The following CUX1 variants were observed in gnomAD, a reference collection of about 807,000 sequenced individuals.
The protein encoded by CUX1 is cut like homeobox 1.
CUX1 carries 31 observed loss-of-function variants against 158.8 expected under a neutral mutation model. That is an observed-to-expected ratio of 0.20 (90% CI 0.15 to 0.26). The LOEUF is 0.26. Among genes scored for constraint, CUX1 ranks in the 10% least tolerant of loss-of-function variants. The probability of loss-of-function intolerance (pLI) is 1.00; values close to 1 mark genes in which losing one functional copy is unlikely to be tolerated. For missense variants in CUX1, 1,589 were observed against 2,014.6 expected (o/e 0.79, Z 4.04); for synonymous variants, 879 against 862.1 (o/e 1.02, Z -0.34).
chr7:101,941,058 T>G (rs980858966), intron 2 of CUX1, among the ~76,000 whole-genome samples: 2 of 152,222 alleles, frequency 1.3e-5, no homozygotes, highest in African/African-American at 4.8e-5. Context: ...GGAGCCGGGC[T>G]TCCTTGAGGC....
rs1792030753 is a variant in CUX1 at position 101,817,732 on chromosome 7, G to T, written c.30+63G>T. Reference sequence around the variant, plus strand: ...GCGCGGAGGGAACCGGGGATGTCGGGGGGTGCCCGGGTCCCGCGGCTTAGA... The same window carrying T: ...GCGCGGAGGGAACCGGGGATGTCGGTGGGTGCCCGGGTCCCGCGGCTTAGA... On this transcript the variant is annotated intron_variant, in intron 1 of 23. Coordinates refer to ENST00000292535, the MANE Select transcript of CUX1 (RefSeq NM_181552.4). This position sits in a 1 kb window ranked among gnomAD's most constrained non-coding sequence, Gnocchi z 4.1. 3 of 1,536,790 alleles carry T rather than the reference G, an allele frequency of 2.0e-6. No homozygotes were observed. Among genetic ancestry groups the T allele is most frequent in the Non-Finnish European group, 1.8e-6 (2 of 1,140,322 alleles).
intron 3 of CUX1, among the ~76,000 whole-genome samples, chr7:102,047,591 G>GGGAT (rs955946371): frequency 1.5e-3 from 224 of 150,768 alleles, no homozygotes; most frequent in African/African-American, 5.0e-3. Flanking sequence ...GAGGGAGGGA[G>GGGAT]GGATGGATGG....
rs1803704032 is a variant in CUX1, at chr7:101,913,248, G to A, written c.31-2867G>A. On this transcript the variant is annotated intron_variant, in intron 1 of 23. Coordinates refer to ENST00000292535, the MANE Select transcript of CUX1 (RefSeq NM_181552.4). ...GGCGGCAGCTCAGTCTCTCCTCCTC[G>A]CTGTGCCAATCTGTTTCTGTGGTGG... 5.2e-6 allele frequency: 3 copies of A among 578,852 alleles called. No homozygotes were observed. In the South Asian group the frequency reaches 5.2e-5, roughly 10 times the overall value. The allele number at this position is 578,852 out of a possible 1,614,324, so 35.9% of individuals were successfully genotyped here.
chr7:102,157,319 G>A (rs895315122), intron 8 of CUX1, among the ~76,000 whole-genome samples: 1 of 150,120 alleles, frequency 6.7e-6, no homozygotes, highest in Non-Finnish European at 1.5e-5. Flanking sequence ...ATGGCCCTTG[G>A]GTATGCTAAA....
exon 23 of CUX1, chr7:102,283,211 G>A: frequency 1.2e-6 from 1 of 816,756 alleles, no homozygotes; most frequent in Non-Finnish European, 2.1e-6. Flanking sequence ...CCGCTGTCCA[G>A]CAGCTGCCAG....
rs782369231 is a variant in CUX1 at position 102,111,655 on chromosome 7, G to A, written c.531-43G>A. On this transcript the variant is annotated intron_variant, in intron 6 of 23. Coordinates refer to ENST00000292535, the MANE Select transcript of CUX1 (RefSeq NM_181552.4). ...GAAAGGCACACGTGCATTTCAGTTG[G>A]TAAAGGAGATGACCAATTTGGCTTC... The A allele has an allele frequency of 2.5e-6, 4 of 1,582,014 alleles. No homozygotes were observed. The African/African-American group carries it at 5.4e-5, about 21-fold the overall frequency.
chr7:102,092,420 C>A (rs1419596366), intron 4 of CUX1, among the ~76,000 whole-genome samples: 2 of 152,192 alleles, frequency 1.3e-5, no homozygotes, highest in Admixed American at 6.5e-5. Flanking sequence ...CAGAGGCCTT[C>A]CCTGTCCCCT....
chr7:102,133,029 C>T (rs1396839939), intron 8 of CUX1, among the ~76,000 whole-genome samples: 1 of 152,148 alleles, frequency 6.6e-6, no homozygotes, highest in Non-Finnish European at 1.5e-5. Flanking sequence ...GACCCTCTGC[C>T]ACCAGTATCT....
At chr7:101,894,353 G>A (rs763033086) in intron 1 of CUX1, among the ~76,000 whole-genome samples, 3 of 152,180 alleles carry the variant, frequency 2.0e-5, no homozygotes, top group Non-Finnish European at 4.4e-5. Context: ...TCGCTCTGTC[G>A]CCCAGGCTGG....
At chr7:101,841,389 G>C (rs1266608544) in intron 1 of CUX1, among the ~76,000 whole-genome samples, 1 of 150,232 alleles carries the variant, frequency 6.7e-6, no homozygotes, top group Non-Finnish European at 1.5e-5. Context: ...ATTTTTAGTT[G>C]TACATAGAGG....
chr7:101,832,939 A>C (rs1051453592), intron 1 of CUX1, among the ~76,000 whole-genome samples: 11 of 151,878 alleles, frequency 7.2e-5, no homozygotes, highest in African/African-American at 2.7e-4. Flanking sequence ...TGCAGGGAGG[A>C]GCTGCTTAGG....
intron 20 of CUX1, among the ~76,000 whole-genome samples, chr7:102,216,700 C>T (rs1586270673): frequency 1.4e-5 from 2 of 146,234 alleles, no homozygotes; most frequent in African/African-American, 5.1e-5. Flanking sequence ...CACACACTCC[C>T]ACACGCACTC....
intron 1 of CUX1, among the ~76,000 whole-genome samples, chr7:101,830,940 T>G (rs1464584015): frequency 6.6e-6 from 1 of 152,192 alleles, no homozygotes; most frequent in African/African-American, 2.4e-5. Flanking sequence ...CATAGGTTGT[T>G]GGGGCCGTGC....
rs781786603 is a variant in CUX1, at chr7:102,195,615, G to A, written c.1222+12G>A. On this transcript the variant is annotated intron_variant, in intron 14 of 23. Transcript: ENST00000292535. ...CAGCGACCTGAGCGGTAGGTTGGCC[G>A]GGCTTCGCGCGTGTGCGGTGGTTGG... is the stretch of plus-strand genomic sequence containing the variant. 4 of 1,595,086 alleles carry A rather than the reference G, an allele frequency of 2.5e-6. No homozygotes were observed. Among genetic ancestry groups the A allele is most frequent in the Non-Finnish European group, 3.4e-6 (4 of 1,172,180 alleles).
intron 2 of CUX1, among the ~76,000 whole-genome samples, chr7:101,958,269 A>T (rs118078515): frequency 0.012 from 1,893 of 152,144 alleles, 23 homozygotes; most frequent in South Asian, 0.034. Flanking sequence ...TGTGTAAGTC[A>T]TGTCATCTGT....
At chr7:101,909,169 G>A (rs1347738268) in intron 1 of CUX1, among the ~76,000 whole-genome samples, 5 of 151,688 alleles carry the variant, frequency 3.3e-5, no homozygotes, top group Non-Finnish European at 5.9e-5. Flanking sequence ...AGGCCGAGGC[G>A]GGAGGATCTC....
chr7:101,888,449 T>C (rs748101739), intron 1 of CUX1, among the ~76,000 whole-genome samples: 2 of 152,260 alleles, frequency 1.3e-5, no homozygotes, highest in Non-Finnish European at 2.9e-5. Context: ...TTTATATACA[T>C]GTACATATCC....
intron 2 of CUX1, among the ~76,000 whole-genome samples, chr7:102,025,190 C>G (rs1370934056): frequency 6.6e-6 from 1 of 152,196 alleles, no homozygotes; most frequent in African/African-American, 2.4e-5. Context: ...CATCTCCTGA[C>G]TCATGATCCC....
intron 2 of CUX1, among the ~76,000 whole-genome samples, chr7:101,978,665 C>A (rs1411703209): frequency 6.6e-6 from 1 of 152,264 alleles, no homozygotes; most frequent in African/African-American, 2.4e-5. Flanking sequence ...ACGTCGCCCT[C>A]ACTGGCTGGG....
Sources: gnomAD v4.1 joint callset for allele counts (sites outside exome capture counted in the v4.1 genomes callset) on GRCh38, gnomAD v4.1.1 for gene constraint, Gnocchi (gnomAD v3.1) non-coding constraint, MANE v1.5 for transcripts, NCBI Gene and HGNC (gene_info 2026-07-23, HGNC 2026-07-21) for gene names.